Variants in NFIX observed in about 807,000 individuals in gnomAD.
NFIX encodes the protein nuclear factor 1 X-type.
NFIX carries 2 observed loss-of-function variants against 53.3 expected under a neutral mutation model. That is an observed-to-expected ratio of 0.04 (90% CI 0.02 to 0.12). The LOEUF (loss-of-function observed/expected upper bound fraction) is 0.12. Among genes scored for constraint, NFIX ranks in the 10% least tolerant of loss-of-function variants. NFIX has a pLI of 1.00. For missense variants in NFIX, 310 were observed against 674.5 expected (o/e 0.46, Z 5.99); for synonymous variants, 244 against 289.0 (o/e 0.84, Z 1.58).
rs183205612 is a variant in NFIX, at chr19:13,025,797, T to A, written c.559+245T>A. ...ATGGTATCGACTTTGTGCATCTCCA[T>A]CTTTGGAGGACTTATCTGATCAGAA... On this transcript the variant is annotated intron_variant, in intron 2 of 10. Transcript: ENST00000592199. This position sits in a 1 kb window ranked among gnomAD's most constrained non-coding sequence, Gnocchi z 7.5. Among the ~76,000 whole-genome samples the A allele has an allele frequency of 6.6e-6, 1 of 152,318 alleles. No homozygotes were observed. Among genetic ancestry groups the A allele is most frequent in the African/African-American group, 2.4e-5 (1 of 41,560 alleles).
chr19:12,997,001 G>A (rs28552086), intron 1 of NFIX, among the ~76,000 whole-genome samples: 3 of 152,264 alleles, frequency 2.0e-5, no homozygotes, highest in African/African-American at 7.2e-5. Context: ...AGTCTCCGAA[G>A]AGGGGACATC....
chr19:13,085,935 G>A (rs1400773776), intron 8 of NFIX, among the ~76,000 whole-genome samples: 1 of 152,218 alleles, frequency 6.6e-6, no homozygotes, highest in Non-Finnish European at 1.5e-5. Context: ...GCAGGGATGG[G>A]GGAGTGGCCT....
chr19:13,053,274 C>T (rs1256918664), intron 2 of NFIX, among the ~76,000 whole-genome samples: 2 of 152,192 alleles, frequency 1.3e-5, no homozygotes, highest in Non-Finnish European at 2.9e-5. Context: ...ACTTTACTCT[C>T]TATCCCCTAG....
At chr19:13,082,049 C>T in intron 8 of NFIX, 194 bp downstream of exon 8, 1 of 633,594 alleles carries the variant, frequency 1.6e-6, no homozygotes, top group South Asian at 2.0e-5. Context: ...CAGGGCTTGT[C>T]TATCATGGTC....
chr19:13,094,848 G>C lies in NFIX; in HGVS notation c.*199G>C, dbSNP rs2018344694. On this transcript the variant is annotated 3_prime_UTR_variant, in exon 11 of 11. Transcript: ENST00000592199. This position sits in a 1 kb window ranked among gnomAD's most constrained non-coding sequence, Gnocchi z 4.3. ...CCCCAGAAGCAGCCCAGTTCTCAGAGAGCCCTTGGAAGGGGTCTCGGTGGA... is the reference window on the plus strand; with the variant it reads ...CCCCAGAAGCAGCCCAGTTCTCAGACAGCCCTTGGAAGGGGTCTCGGTGGA... The C allele has an allele frequency of 1.7e-6, 1 of 587,672 alleles. No homozygotes were observed. Among genetic ancestry groups the C allele is most frequent in the African/African-American group, 1.9e-5 (1 of 53,352 alleles). 36.4% of individuals were successfully genotyped at this position (587,672 alleles called of 1,614,324 possible). A position where few individuals can be genotyped will look rare whatever the true frequency, so the allele number is the denominator to read the frequency against.
At position 13,056,602 on chromosome 19, in the gene NFIX, T is replaced by C. The variant is rs554089320; in HGVS notation, c.560-16445T>C. 5.9e-5 allele frequency among the ~76,000 whole-genome samples: 9 copies of C among 152,288 alleles called. 1 individual carries two copies. The highest frequency in any genetic ancestry group is 2.2e-4 in the African/African-American group (9 of 41,574). On this transcript the variant is annotated intron_variant, in intron 2 of 10. Coordinates refer to ENST00000592199, the MANE Select transcript of NFIX (RefSeq NM_001365902.3). ...CTCCCTGGAGTGGGGTGGGACCCTCTTGCCTGTCCTTCCACTCGGGAGCCC... is the reference window on the plus strand; with the variant it reads ...CTCCCTGGAGTGGGGTGGGACCCTCCTGCCTGTCCTTCCACTCGGGAGCCC...
chr19:13,072,306 C>T lies in NFIX; in HGVS notation c.560-741C>T, dbSNP rs1184748953. On this transcript the variant is annotated intron_variant, in intron 2 of 10. Coordinates refer to ENST00000592199, the MANE Select transcript of NFIX (RefSeq NM_001365902.3). This position sits in a 1 kb window ranked among gnomAD's most constrained non-coding sequence, Gnocchi z 4.0. The stretch of plus-strand genomic sequence containing the variant: ...CTGCCCCCAGCCCTCTGTGAGCTCC[C>T]ACTGCACAATGAGCCCTTGTCTCGG... Among the ~76,000 whole-genome samples the T allele has an allele frequency of 1.3e-5, 2 of 152,216 alleles. No individual in the cohort carries two copies. The highest frequency in any genetic ancestry group is 2.9e-5 in the Non-Finnish European group (2 of 68,032).
intron 2 of NFIX, among the ~76,000 whole-genome samples, chr19:13,029,801 G>A (rs1198051902): frequency 2.0e-5 from 3 of 152,182 alleles, no homozygotes; most frequent in Non-Finnish European, 4.4e-5. Context: ...GAGCTTCTTG[G>A]TTTCGGCACT....
At position 13,006,768 on chromosome 19, in the gene NFIX, C is replaced by G. The variant is rs1037329744; in HGVS notation, c.27+10904C>G. Among the ~76,000 whole-genome samples, 3 of 152,252 alleles carry G rather than the reference C, an allele frequency of 2.0e-5. No individual in the cohort carries two copies. The highest frequency in any genetic ancestry group is 2.1e-4 in the South Asian group (1 of 4,836). On this transcript the variant is annotated intron_variant, in intron 1 of 10. Coordinates refer to ENST00000592199, the MANE Select transcript of NFIX (RefSeq NM_001365902.3). This position sits in a 1 kb window ranked among gnomAD's most constrained non-coding sequence, Gnocchi z 5.6. ...CCCCAGATTCTCTCCACCCCCAAAG[C>G]TCCAGGCTTGAGAGCTCTGGGCTGG...
intron 2 of NFIX, among the ~76,000 whole-genome samples, chr19:13,063,862 G>A (rs545496254): frequency 5.1e-4 from 78 of 152,248 alleles, no homozygotes; most frequent in African/African-American, 1.9e-3. Context: ...TAGACCAAGG[G>A]CAAGTGTATT....
chr19:13,075,694 C>T (rs751368749), intron 6 of NFIX, 23 bp downstream of exon 6: 5 of 1,608,482 alleles, frequency 3.1e-6, no homozygotes, highest in Non-Finnish European at 3.4e-6. Context: ...GGGATCCTGA[C>T]CCAGAGCAAG....
At position 13,037,685 on chromosome 19, in the gene NFIX, A is replaced by G. The variant is rs2014304458; in HGVS notation, c.559+12133A>G. Among the ~76,000 whole-genome samples the G allele has an allele frequency of 1.3e-5, 2 of 152,050 alleles. No homozygotes were observed. Among genetic ancestry groups the G allele is most frequent in the Admixed American group, 6.6e-5 (1 of 15,266 alleles). On this transcript the variant is annotated intron_variant, in intron 2 of 10. Transcript: ENST00000592199. The surrounding 1 kb of genome is among the most constrained non-coding windows in gnomAD (Gnocchi z 4.2). The stretch of plus-strand genomic sequence containing the variant: ...GTTTCACAGCCCCTCACCTCGGTAA[A>G]CCCCTCAGTCTCCAGCAAACTGGGA...
Position 13,045,465 on chromosome 19 carries a change from C to T in NFIX, c.559+19913C>T, listed in dbSNP as rs1053986624. 6.6e-6 allele frequency among the ~76,000 whole-genome samples: 1 copy of T among 152,042 alleles called. No homozygotes were observed. Among genetic ancestry groups the T allele is most frequent in the African/African-American group, 2.4e-5 (1 of 41,372 alleles). ...GTCCTACACTGCACAAGACGACCCC[C>T]CATAGAAGACAGTATCTAGCCCCAG... is the stretch of plus-strand genomic sequence containing the variant. On this transcript the variant is annotated intron_variant, in intron 2 of 10. Coordinates refer to ENST00000592199, the MANE Select transcript of NFIX (RefSeq NM_001365902.3). This position sits in a 1 kb window ranked among gnomAD's most constrained non-coding sequence, Gnocchi z 4.4.
rs938091694 is a variant in NFIX at position 13,023,953 on chromosome 19, C to T, written c.28-1068C>T. 5 of 1,152,146 alleles carry T rather than the reference C, an allele frequency of 4.3e-6. No individual in the cohort carries two copies. In the Admixed American group the frequency reaches 7.3e-5, roughly 17 times the overall value. 71.4% of individuals were successfully genotyped at this position (1,152,146 alleles called of 1,614,324 possible). A position where few individuals can be genotyped will look rare whatever the true frequency, so the allele number is the denominator to read the frequency against. On this transcript the variant is annotated intron_variant, in intron 1 of 10. Coordinates refer to ENST00000592199, the MANE Select transcript of NFIX (RefSeq NM_001365902.3). ...TGCTCCTCCTCCTCCCCCCTCCCCC[C>T]ACCCGCCCCCAACTCACAACTCTTT... is the stretch of plus-strand genomic sequence containing the variant.
intron 1 of NFIX, among the ~76,000 whole-genome samples, chr19:12,999,893 CCCTG>C (rs2011615198): frequency 1.3e-5 from 2 of 152,230 alleles, no homozygotes; most frequent in South Asian, 4.1e-4. Context: ...CCGGCTCTGG[CCCTG>C]CCTGATTCAT....
intron 2 of NFIX, among the ~76,000 whole-genome samples, chr19:13,071,784 G>A (rs1018181593): frequency 1.3e-5 from 2 of 152,188 alleles, no homozygotes; most frequent in African/African-American, 4.8e-5. Flanking sequence ...CCCAGACATG[G>A]TGGGGCCCTC....
In NFIX at chr19:13,088,173, C is replaced by T. The variant is rs759501737; in HGVS notation, c.1402+37C>T. On this transcript the variant is annotated intron_variant, in intron 9 of 10. Coordinates refer to ENST00000592199, the MANE Select transcript of NFIX (RefSeq NM_001365902.3). The surrounding 1 kb of genome is among the most constrained non-coding windows in gnomAD (Gnocchi z 5.9). Reference sequence around the variant, plus strand: ...ATGAAACCGAAACCACAACGCCCAGCGTCCCCGGCCCGTCCAAACAGTCTC... The same window carrying T: ...ATGAAACCGAAACCACAACGCCCAGTGTCCCCGGCCCGTCCAAACAGTCTC... 1.6e-5 allele frequency: 24 copies of T among 1,534,760 alleles called. No individual in the cohort carries two copies. Among genetic ancestry groups the T allele is most frequent in the Middle Eastern group, 1.7e-4 (1 of 6,008 alleles).
chr19:12,999,072 A>G (rs560802116), intron 1 of NFIX, among the ~76,000 whole-genome samples: 2 of 152,262 alleles, frequency 1.3e-5, no homozygotes, highest in East Asian at 3.9e-4. Flanking sequence ...ACATGCTCAC[A>G]TGGACCCAAG....
rs1034795518 is a variant in NFIX, at chr19:13,001,111, A to T, written c.27+5247A>T. On this transcript the variant is annotated intron_variant, in intron 1 of 10. Coordinates refer to ENST00000592199, the MANE Select transcript of NFIX (RefSeq NM_001365902.3). The surrounding 1 kb of genome is among the most constrained non-coding windows in gnomAD (Gnocchi z 6.5). ...CCTCCCAGCTGGGGTGGGGAAAAGG[A>T]GGGGGGTGTCTTAATTTTCTTGCCC... 1.3e-5 allele frequency among the ~76,000 whole-genome samples: 2 copies of T among 151,838 alleles called. No individual in the cohort carries two copies. The highest frequency in any genetic ancestry group is 2.9e-5 in the Non-Finnish European group (2 of 67,948).
Sources: allele counts gnomAD v4.1 joint callset (sites outside exome capture counted in the v4.1 genomes callset), GRCh38; gene constraint gnomAD v4.1.1; non-coding constraint Gnocchi (gnomAD v3.1); transcripts MANE v1.5; gene names NCBI Gene and HGNC (gene_info 2026-07-23, HGNC 2026-07-21).